TNIK: variants seen among roughly 807,000 people sequenced by gnomAD.
TNIK encodes the protein TRAF2 and NCK interacting kinase, also known as TRAF2 and NCK-interacting protein kinase.
A neutral mutation model predicts 191.3 loss-of-function variants in TNIK; 49 were observed. The ratio of observed to expected loss-of-function variants is 0.26; its 90% CI spans 0.20 to 0.32. The LOEUF is 0.32. Among genes scored for constraint, TNIK ranks in the 10% least tolerant of loss-of-function variants. The pLI is 1.00. For synonymous variants in TNIK, 594 were observed against 600.9 expected, an observed-to-expected ratio of 0.99 and a Z score of 0.17; for missense variants, 1,155 against 1,702.3, an observed-to-expected ratio of 0.68 and a Z score of 5.66.
chr3:171,276,146 C>T (rs772010761), intron 2 of TNIK, among the ~76,000 whole-genome samples: 3 of 152,100 alleles, frequency 2.0e-5, no homozygotes, highest in South Asian at 2.1e-4. Context: ...CTATATTCAT[C>T]CTAATCATCA....
At chr3:171,225,223 T>C (rs1444272928) in intron 3 of TNIK, among the ~76,000 whole-genome samples, 6 of 152,162 alleles carry the variant, frequency 3.9e-5, no homozygotes, top group African/African-American at 1.4e-4. Context: ...GAATAGACTG[T>C]CTTCTAAAGG....
At chr3:171,451,610 C>G (rs1357501938) in intron 1 of TNIK, among the ~76,000 whole-genome samples, 1 of 152,150 alleles carries the variant, frequency 6.6e-6, no homozygotes, top group African/African-American at 2.4e-5. Flanking sequence ...ATGGAGCCCT[C>G]CATGTGAAAT....
At chr3:171,452,583 T>C (rs1477889647) in intron 1 of TNIK, among the ~76,000 whole-genome samples, 2 of 152,122 alleles carry the variant, frequency 1.3e-5, no homozygotes, top group African/African-American at 4.8e-5. Flanking sequence ...ACCCGCTCAC[T>C]GCCAGCTCTG....
intron 4 of TNIK, among the ~76,000 whole-genome samples, chr3:171,197,806 T>C (rs1196241701): frequency 6.6e-6 from 1 of 152,200 alleles, no homozygotes; most frequent in Non-Finnish European, 1.5e-5. Flanking sequence ...CCTCTATACA[T>C]TGCTAATGGT....
chr3:171,358,332 C>T (rs1333468961), intron 2 of TNIK, among the ~76,000 whole-genome samples: 1 of 152,174 alleles, frequency 6.6e-6, no homozygotes, highest in African/African-American at 2.4e-5. Context: ...GGAAGCCTCA[C>T]AGTCATGGCC....
intron 11 of TNIK, among the ~76,000 whole-genome samples, chr3:171,160,586 C>T (rs1733863707): frequency 6.6e-6 from 1 of 151,928 alleles, no homozygotes; most frequent in Non-Finnish European, 1.5e-5. Context: ...TGAATTCGCT[C>T]ACCAAAGAGA....
intron 2 of TNIK, 80 bp from the exon 3 acceptor site, chr3:171,228,301 G>T (rs764228854): frequency 3.4e-5 from 52 of 1,513,692 alleles, no homozygotes; most frequent in Non-Finnish European, 4.6e-5. Flanking sequence ...AAGAAAAATT[G>T]CTTGGATCAG....
intron 8 of TNIK, 116 bp from the exon 9 acceptor site, chr3:171,175,446 G>T: frequency 1.4e-6 from 1 of 735,094 alleles, no homozygotes; most frequent in Non-Finnish European, 2.2e-6. Context: ...CACACCACCA[G>T]TGAGCACAAA....
rs34724564 is a variant in TNIK, at chr3:171,244,060, G to GTTTTTT, written c.124-15845_124-15840dup. Among the ~76,000 whole-genome samples, 2 of 135,944 alleles carry GTTTTTT rather than the reference G, an allele frequency of 1.5e-5. 1 individual carries two copies. Among genetic ancestry groups the GTTTTTT allele is most frequent in the Non-Finnish European group, 3.1e-5 (2 of 64,026 alleles). 89.2% of individuals were successfully genotyped at this position (135,944 alleles called of 152,430 possible). A position where few individuals can be genotyped will look rare whatever the true frequency, so the allele number is the denominator to read the frequency against. ...TTTGTTTTTTTTAGAGACAGAAATA[G>GTTTTTT]TTTTTTTTTTTTTTTTTTAAGACAG... On this transcript the variant is annotated intron_variant, in intron 2 of 32. Transcript: ENST00000436636.
intron 2 of TNIK, among the ~76,000 whole-genome samples, chr3:171,249,337 C>T (rs1398882278): frequency 6.6e-6 from 1 of 152,180 alleles, no homozygotes; most frequent in Non-Finnish European, 1.5e-5. Context: ...TACCTTTAGG[C>T]ATACATCCAA....
intron 4 of TNIK, among the ~76,000 whole-genome samples, chr3:171,194,891 T>A (rs1738507524): frequency 6.6e-6 from 1 of 151,844 alleles, no homozygotes. Flanking sequence ...TTCTAAGTAT[T>A]TTTTTTTAAT....
chr3:171,241,035 CTT>C (rs113654211), intron 2 of TNIK, among the ~76,000 whole-genome samples: 1 of 142,596 alleles, frequency 7.0e-6, no homozygotes. Flanking sequence ...TTTTTCTTTT[CTT>C]TTTTTTTTTG....
chr3:171,383,535 T>C (rs1236044199), intron 1 of TNIK, among the ~76,000 whole-genome samples: 1 of 152,184 alleles, frequency 6.6e-6, no homozygotes, highest in African/African-American at 2.4e-5. Flanking sequence ...CAGAATTGCA[T>C]TTTGTCTTTG....
intron 10 of TNIK, among the ~76,000 whole-genome samples, chr3:171,165,857 G>C (rs1001390507): frequency 6.6e-6 from 1 of 152,094 alleles, no homozygotes; most frequent in African/African-American, 2.4e-5. Context: ...TGTCTACCCA[G>C]AAAGCCCTCA....
chr3:171,125,729 G>A (rs939588946), intron 17 of TNIK, among the ~76,000 whole-genome samples, 183 bp downstream of exon 17: 1 of 152,154 alleles, frequency 6.6e-6, no homozygotes, highest in Admixed American at 6.5e-5. Context: ...GGAAATAAAG[G>A]TCAGACATGG....
intron 2 of TNIK, among the ~76,000 whole-genome samples, chr3:171,311,519 A>T (rs756709613): frequency 7.9e-5 from 12 of 152,274 alleles, no homozygotes; most frequent in Non-Finnish European, 1.6e-4. Flanking sequence ...CTTGCTTAAG[A>T]TGACACAAAA....
chr3:171,338,222 A>T (rs1266736085), intron 2 of TNIK, among the ~76,000 whole-genome samples: 2 of 152,062 alleles, frequency 1.3e-5, no homozygotes, highest in African/African-American at 4.8e-5. Flanking sequence ...TCATTGCCTC[A>T]TTTCTAAACT....
At chr3:171,131,529 C>T (rs1277875907) in intron 15 of TNIK, among the ~76,000 whole-genome samples, 1 of 151,962 alleles carries the variant, frequency 6.6e-6, no homozygotes, top group Non-Finnish European at 1.5e-5. Context: ...ATATTTCAGT[C>T]GGTACCATTC....
At chr3:171,330,014 G>A (rs1441960676) in intron 2 of TNIK, among the ~76,000 whole-genome samples, 2 of 152,230 alleles carry the variant, frequency 1.3e-5, no homozygotes, top group Non-Finnish European at 2.9e-5. Flanking sequence ...GAAGGAAAGC[G>A]GTTTTTAATT....
Sources: allele counts gnomAD v4.1 joint callset (sites outside exome capture counted in the v4.1 genomes callset), GRCh38; gene constraint gnomAD v4.1.1; transcripts MANE v1.5; gene names NCBI Gene and HGNC (gene_info 2026-07-23, HGNC 2026-07-21).